The following CLTA variants were observed in gnomAD, a reference collection of about 807,000 sequenced individuals.
CLTA encodes the protein clathrin light chain A.
In CLTA, 9 loss-of-function variants were observed where a neutral mutation model predicts 26.9. That is an observed-to-expected ratio of 0.33 (90% confidence interval 0.20 to 0.58). CLTA has a LOEUF of 0.58. Among genes scored for constraint, CLTA ranks in the 20% least tolerant of loss-of-function variants. CLTA has a pLI of 0.85. For missense variants in CLTA, 278 were observed against 294.2 expected, an observed-to-expected ratio of 0.94 and a Z score of 0.40; for synonymous variants, 120 against 115.5, an observed-to-expected ratio of 1.04 and a Z score of -0.25.
At position 36,191,192 on chromosome 9, in the gene CLTA, A is replaced by C. The variant is rs908765516; in HGVS notation, c.136A>C (p.Ile46Leu). 6.3e-7 allele frequency: 1 copy of C among 1,582,688 alleles called. No individual in the cohort carries two copies. The highest frequency in any genetic ancestry group is 1.4e-5 in the African/African-American group (1 of 74,016). ...LAQQESEIAG[I>L]ENDEAFAILD... ...GCAGCAAGAGAGCGAGATTGCGGGC[A>C]TCGAGAACGACGAGGCCTTCGCCAT... The change falls in exon 1 of 5, where the codon ATC becomes CTC. Residue 46 changes from isoleucine (I) to leucine (L), a missense_variant. By Grantham distance (5) the Ile-to-Leu change is conservative. Coordinates refer to ENST00000345519, the MANE Select transcript of CLTA (RefSeq NM_001833.4).
chr9:36,211,520 G>A (rs1828038434), intron 4 of CLTA, 83 bp from the exon 5 acceptor site: 1 of 1,495,072 alleles, frequency 6.7e-7, no homozygotes. Context: ...GGACAAATAG[G>A]CAGTTGCTTG....
chr9:36,206,289 A>T (rs772052704), intron 4 of CLTA, among the ~76,000 whole-genome samples: 2 of 149,596 alleles, frequency 1.3e-5, no homozygotes, highest in Non-Finnish European at 3.0e-5. Flanking sequence ...CACAGGGCTG[A>T]CTCTTGAGAG....
rs1266107486 is a variant in CLTA, at chr9:36,212,057, G to GT, written c.*284dup. 2.1e-5 allele frequency: 11 copies of GT among 520,238 alleles called. No individual in the cohort carries two copies. Among genetic ancestry groups the GT allele is most frequent in the Non-Finnish European group, 3.9e-5 (11 of 278,662 alleles). 32.2% of individuals were successfully genotyped at this position (520,238 alleles called of 1,614,324 possible). A position where few individuals can be genotyped will look rare whatever the true frequency, so the allele number is the denominator to read the frequency against. On this transcript the variant is annotated 3_prime_UTR_variant, in exon 5 of 5. Transcript: ENST00000345519. ...TGAGAATAAATTTCTGTTTCAAACT[G>GT]TATTATGTGAAGCTTCTTTATTGAC...
chr9:36,203,645 T>C (rs1306987074), intron 3 of CLTA, among the ~76,000 whole-genome samples: 1 of 152,226 alleles, frequency 6.6e-6, no homozygotes, highest in Non-Finnish European at 1.5e-5. Flanking sequence ...TACCCTACTA[T>C]GAACTAATAT....
chr9:36,209,035 T>C (rs1240619665), intron 4 of CLTA, among the ~76,000 whole-genome samples: 1 of 152,186 alleles, frequency 6.6e-6, no homozygotes, highest in African/African-American at 2.4e-5. Context: ...AGGGATGAAG[T>C]TGGCAGTGCT....
At chr9:36,206,485 T>C (rs927797872) in intron 4 of CLTA, among the ~76,000 whole-genome samples, 1 of 152,090 alleles carries the variant, frequency 6.6e-6, no homozygotes, top group Admixed American at 6.6e-5. Context: ...CTACTCCCCC[T>C]CTCCATCCAT....
intron 4 of CLTA, chr9:36,209,406 C>G (rs939877852): frequency 1.8e-6 from 2 of 1,112,074 alleles, no homozygotes; most frequent in East Asian, 4.7e-5. Flanking sequence ...TCACAAGTTG[C>G]TTTGCTTTTT....
At chr9:36,195,498 C>T (rs1826968666) in intron 1 of CLTA, among the ~76,000 whole-genome samples, 1 of 151,922 alleles carries the variant, frequency 6.6e-6, no homozygotes, top group South Asian at 2.1e-4. Context: ...ACAACAAAGC[C>T]ACCATGAGTT....
intron 1 of CLTA, among the ~76,000 whole-genome samples, chr9:36,194,641 T>G (rs1826924092): frequency 1.3e-5 from 2 of 152,182 alleles, no homozygotes; most frequent in African/African-American, 4.8e-5. Flanking sequence ...TTCAAATGTT[T>G]CTGGAATGTG....
intron 1 of CLTA, among the ~76,000 whole-genome samples, chr9:36,194,282 C>T (rs910579285): frequency 5.9e-5 from 9 of 152,216 alleles, no homozygotes; most frequent in African/African-American, 2.2e-4. Flanking sequence ...CCGCCTTGGC[C>T]TCCCAAAGTG....
At chr9:36,191,575 G>C (rs1826723006) in intron 1 of CLTA, among the ~76,000 whole-genome samples, 1 of 152,212 alleles carries the variant, frequency 6.6e-6, no homozygotes, top group African/African-American at 2.4e-5. Flanking sequence ...CATTTGCTGT[G>C]CCTTTAGTCC....
chr9:36,204,927 A>G (rs953198934), intron 4 of CLTA, among the ~76,000 whole-genome samples: 1 of 152,182 alleles, frequency 6.6e-6, no homozygotes, highest in African/African-American at 2.4e-5. Flanking sequence ...CTGAATAGTC[A>G]ATCCATTCAC....
Position 36,197,564 on chromosome 9 carries a change from A to C in CLTA, c.231A>C (p.Gly77=). The C allele has an allele frequency of 1.2e-6, 2 of 1,611,274 alleles. No homozygotes were observed. Among genetic ancestry groups the C allele is most frequent in the Non-Finnish European group, 1.7e-6 (2 of 1,178,136 alleles). ...EPPGGPDAVD[G]VMNGEYYQES... ...TATGTCTTGCAGATGCTGTTGATGG[A>C]GTAATGAATGGTGAATACTACCAGG... Residue 77 remains glycine (G), a synonymous_variant, in exon 2 of 5, where the codon GGA becomes GGC. Coordinates refer to ENST00000345519, the MANE Select transcript of CLTA (RefSeq NM_001833.4).
rs150333575 is a variant in CLTA, at chr9:36,199,079, A to T, written c.356A>T (p.Glu119Val). 129 of 1,612,140 alleles carry T rather than the reference A, an allele frequency of 8.0e-5. No individual in the cohort carries two copies. The highest frequency in any genetic ancestry group is 1.0e-4 in the Non-Finnish European group (118 of 1,178,328). Residue 119 changes from glutamate (E) to valine (V), a missense_variant, in exon 3 of 5, where the codon GAA becomes GTA. Transcript: ENST00000345519. ...SIRKWREEQMERLEALDANSR... is the reference protein window; with the variant it reads ...SIRKWREEQMVRLEALDANSR... ...CGTAAATGGAGAGAAGAACAAATGG[A>T]ACGCTTGGAAGCCCTTGGTAAGGAA...
chr9:36,203,950 C>T (rs1321384954), intron 3 of CLTA, 118 bp from the exon 4 acceptor site: 1 of 1,381,568 alleles, frequency 7.2e-7, no homozygotes, highest in Non-Finnish European at 9.7e-7. Context: ...TCTCCCCCAA[C>T]AGGCACACAG....
chr9:36,203,347 C>T (rs917098804), intron 3 of CLTA, among the ~76,000 whole-genome samples: 3 of 152,222 alleles, frequency 2.0e-5, no homozygotes, highest in African/African-American at 7.2e-5. Flanking sequence ...CTGCACTTCT[C>T]TCCAGTGGAG....
At chr9:36,204,215 C>CA in intron 4 of CLTA, 36 bp downstream of exon 4, 1 of 1,582,684 alleles carries the variant, frequency 6.3e-7, no homozygotes, top group Middle Eastern at 1.7e-4. Context: ...CTTTGTTTTC[C>CA]AAAATTGAAT....
At chr9:36,193,568 A>G (rs1247319505) in intron 1 of CLTA, among the ~76,000 whole-genome samples, 2 of 152,218 alleles carry the variant, frequency 1.3e-5, no homozygotes, top group Non-Finnish European at 2.9e-5. Context: ...TCCAGCTACT[A>G]TTAGTGGGAG....
chr9:36,191,451 C>G (rs938127398), intron 1 of CLTA, among the ~76,000 whole-genome samples, 178 bp downstream of exon 1: 2 of 152,208 alleles, frequency 1.3e-5, no homozygotes, highest in African/African-American at 4.8e-5. Flanking sequence ...GAAGCCTGTT[C>G]GGTTCTCAGC....
Sources: gnomAD v4.1 joint callset for allele counts (sites outside exome capture counted in the v4.1 genomes callset) on GRCh38, gnomAD v4.1.1 for gene constraint, MANE v1.5 for transcripts, NCBI Gene and HGNC (gene_info 2026-07-23, HGNC 2026-07-21) for gene names.